The following ZNF385B variants were observed in gnomAD, a reference collection of about 807,000 sequenced individuals.
The protein encoded by ZNF385B is zinc finger protein 533.
In ZNF385B, 23 loss-of-function variants were observed where a neutral mutation model predicts 39.2. The observed-to-expected ratio is 0.59, with a 90% CI of 0.42 to 0.83. The LOEUF (loss-of-function observed/expected upper bound fraction) is 0.83. Among genes scored for constraint, ZNF385B ranks in the 40% least tolerant of loss-of-function variants. ZNF385B has a pLI of 0.00. For synonymous variants in ZNF385B, 205 were observed against 222.6 expected, an observed-to-expected ratio of 0.92 and a Z score of 0.70; for missense variants, 552 against 598.9, an observed-to-expected ratio of 0.92 and a Z score of 0.82.
chr2:179,661,506 C>T (rs190279416), intron 3 of ZNF385B, among the ~76,000 whole-genome samples: 1 of 152,272 alleles, frequency 6.6e-6, no homozygotes, highest in Admixed American at 6.5e-5. Flanking sequence ...CTGATATCTA[C>T]ATCTATATCT....
rs114358100 is a variant in ZNF385B, at chr2:179,609,774, C to A, written c.299-64805G>T. ...GTCTTTTGAATAAAAGCCATTTTTA[C>A]TGGAGATATTTCATTGCAGTTTTGA... is the stretch of plus-strand genomic sequence containing the variant. On this transcript the variant is annotated intron_variant, in intron 3 of 9. Coordinates refer to ENST00000410066, the MANE Select transcript of ZNF385B (RefSeq NM_152520.6). Among the ~76,000 whole-genome samples, 1,250 of 151,982 alleles carry A rather than the reference C, an allele frequency of 8.2e-3. 17 individuals carry two copies. Among genetic ancestry groups the A allele is most frequent in the African/African-American group, 0.029 (1,209 of 41,486 alleles).
At chr2:179,706,482 T>A (rs1276529535) in intron 3 of ZNF385B, among the ~76,000 whole-genome samples, 1 of 152,044 alleles carries the variant, frequency 6.6e-6, no homozygotes, top group Non-Finnish European at 1.5e-5. Flanking sequence ...ATCAAGATGA[T>A]GGGATTGGGG....
chr2:179,497,649 A>G (rs2056361434), intron 5 of ZNF385B, among the ~76,000 whole-genome samples: 1 of 152,038 alleles, frequency 6.6e-6, no homozygotes, highest in Non-Finnish European at 1.5e-5. Context: ...AGAAAGAAGG[A>G]AGGAAGGAAG....
chr2:179,483,238 A>T, intron 6 of ZNF385B, 34 bp downstream of exon 6: 1 of 1,611,044 alleles, frequency 6.2e-7, no homozygotes, highest in Non-Finnish European at 8.5e-7. Flanking sequence ...CAGGAGAAAC[A>T]CAAAGAATGT....
At chr2:179,782,594 G>C (rs1259964113) in intron 1 of ZNF385B, among the ~76,000 whole-genome samples, 1 of 152,092 alleles carries the variant, frequency 6.6e-6, no homozygotes, top group Admixed American at 6.5e-5. Flanking sequence ...CATAGTCTCA[G>C]CCAAAATCTC....
At chr2:179,643,435 G>T (rs1399687) in intron 3 of ZNF385B, among the ~76,000 whole-genome samples, 140,605 of 152,240 alleles carry the variant, frequency 0.92, 65,062 homozygotes, top group African/African-American at 0.95. Context: ...AATTCACTGA[G>T]ACAGTTTCAG....
chr2:179,661,346 T>C (rs1192036677), intron 3 of ZNF385B, among the ~76,000 whole-genome samples: 1 of 152,196 alleles, frequency 6.6e-6, no homozygotes, highest in Admixed American at 6.5e-5. Context: ...ACATCAAATA[T>C]ATGTATATTC....
chr2:179,446,775 G>C lies in ZNF385B; in HGVS notation c.716-5C>G, dbSNP rs1347024348. ...CTTTTAACTTCCCTTTATCTTCTAA[G>C]AGAAACACAGAGAGATCTTATTGAA... On this transcript the variant is annotated splice_region_variant and splice_polypyrimidine_tract_variant and intron_variant, in intron 6 of 9. Coordinates refer to ENST00000410066, the MANE Select transcript of ZNF385B (RefSeq NM_152520.6). 1.2e-6 allele frequency: 2 copies of C among 1,601,464 alleles called. No homozygotes were observed. Among genetic ancestry groups the C allele is most frequent in the Non-Finnish European group, 8.5e-7 (1 of 1,175,776 alleles).
chr2:179,443,558 A>G lies in ZNF385B; in HGVS notation c.1243-90T>C, dbSNP rs969079290. On this transcript the variant is annotated intron_variant, in intron 9 of 9. Transcript: ENST00000410066. ...ATCTTTTCATAAGTAAAACACCAAC[A>G]TTAAGAAGTCTTAAATTTTGAAAAT... 5.2e-6 allele frequency: 5 copies of G among 970,810 alleles called. No homozygotes were observed. The Admixed American group carries it at 8.9e-5, about 17-fold the overall frequency. 60.1% of individuals were successfully genotyped at this position (970,810 alleles called of 1,614,324 possible).
intron 3 of ZNF385B, among the ~76,000 whole-genome samples, chr2:179,716,401 G>A (rs7577307): frequency 0.052 from 7,957 of 152,016 alleles, 327 homozygotes; most frequent in Non-Finnish European, 0.082. Flanking sequence ...TCCATTTTCT[G>A]TTGTAGTTCT....
At chr2:179,804,951 G>A (rs1706256962) in intron 1 of ZNF385B, among the ~76,000 whole-genome samples, 2 of 152,116 alleles carry the variant, frequency 1.3e-5, no homozygotes, top group Non-Finnish European at 2.9e-5. Context: ...AATCTCTAGA[G>A]GGGCTTCCAA....
intron 3 of ZNF385B, among the ~76,000 whole-genome samples, chr2:179,718,520 A>G (rs1285708126): frequency 6.8e-6 from 1 of 148,078 alleles, no homozygotes; most frequent in Non-Finnish European, 1.5e-5. Flanking sequence ...TATTATATAT[A>G]TTATCATAAA....
chr2:179,831,308 T>C (rs1707971216), intron 1 of ZNF385B, among the ~76,000 whole-genome samples: 1 of 152,198 alleles, frequency 6.6e-6, no homozygotes, highest in East Asian at 1.9e-4. Context: ...GTATCCTTGT[T>C]TTCTAAGGAA....
chr2:179,615,301 A>G (rs1160534876), intron 3 of ZNF385B, among the ~76,000 whole-genome samples: 2 of 152,190 alleles, frequency 1.3e-5, no homozygotes, highest in African/African-American at 4.8e-5. Flanking sequence ...TTCTACCAGG[A>G]ACTCTTATTT....
At chr2:179,505,752 G>T (rs1265405511) in intron 5 of ZNF385B, among the ~76,000 whole-genome samples, 1 of 152,066 alleles carries the variant, frequency 6.6e-6, no homozygotes, top group East Asian at 1.9e-4. Flanking sequence ...AAATGTCACT[G>T]GTATACGGAA....
intron 1 of ZNF385B, among the ~76,000 whole-genome samples, chr2:179,820,410 T>G (rs1429424320): frequency 1.3e-5 from 2 of 151,998 alleles, no homozygotes; most frequent in East Asian, 3.8e-4. Flanking sequence ...TTACCAAATG[T>G]TCATATCATT....
At chr2:179,825,718 C>T (rs1018710714) in intron 1 of ZNF385B, among the ~76,000 whole-genome samples, 1 of 152,100 alleles carries the variant, frequency 6.6e-6, no homozygotes, top group Non-Finnish European at 1.5e-5. Context: ...GACCTTTCTG[C>T]CTCTTGGAGT....
intron 3 of ZNF385B, among the ~76,000 whole-genome samples, chr2:179,747,091 C>A (rs1469698218): frequency 6.6e-6 from 1 of 152,064 alleles, no homozygotes; most frequent in Non-Finnish European, 1.5e-5. Context: ...TGAGGATCTC[C>A]TATAAATGAC....
At chr2:179,532,922 C>T (rs2059341513) in intron 4 of ZNF385B, among the ~76,000 whole-genome samples, 1 of 152,066 alleles carries the variant, frequency 6.6e-6, no homozygotes, top group Admixed American at 6.6e-5. Context: ...GAGGATATTT[C>T]AGTGATATGA....
Sources: gnomAD v4.1 joint callset for allele counts (sites outside exome capture counted in the v4.1 genomes callset) on GRCh38, gnomAD v4.1.1 for gene constraint, MANE v1.5 for transcripts, NCBI Gene and HGNC (gene_info 2026-07-23, HGNC 2026-07-21) for gene names.